NAA15: variants seen among roughly 807,000 people sequenced by gnomAD.
The protein encoded by NAA15 is N-terminal acetyltransferase.
In NAA15, 34 loss-of-function variants were observed where a neutral mutation model predicts 114.0. The ratio of observed to expected loss-of-function variants is 0.30; its 90% confidence interval spans 0.23 to 0.40. The LOEUF (loss-of-function observed/expected upper bound fraction) is 0.40, where lower values mean the gene tolerates loss of function less well. Among genes scored for constraint, NAA15 ranks in the 10% least tolerant of loss-of-function variants. The pLI is 1.00. For missense variants in NAA15, 658 were observed against 1,004.5 expected, an observed-to-expected ratio of 0.66 and a Z score of 4.66; for synonymous variants, 340 against 338.0, an observed-to-expected ratio of 1.01 and a Z score of -0.06.
At chr4:139,339,123 G>A (rs1274820527) in intron 3 of NAA15, among the ~76,000 whole-genome samples, 1 of 152,074 alleles carries the variant, frequency 6.6e-6, no homozygotes, top group Non-Finnish European at 1.5e-5. Flanking sequence ...ATTGAAGTTT[G>A]AGCTTGATCT....
intron 4 of NAA15, among the ~76,000 whole-genome samples, chr4:139,342,418 C>T (rs936933177): frequency 1.3e-5 from 2 of 149,938 alleles, no homozygotes; most frequent in Non-Finnish European, 3.0e-5. Context: ...GAAGTATTTT[C>T]TATTATTGTT....
intron 8 of NAA15, 36 bp from the exon 9 acceptor site, chr4:139,351,469 G>C (rs1747776090): frequency 7.8e-7 from 1 of 1,281,190 alleles, no homozygotes; most frequent in Admixed American, 1.8e-5. Flanking sequence ...GTAAATACTT[G>C]ATAAATATAA....
intron 2 of NAA15, among the ~76,000 whole-genome samples, chr4:139,335,838 C>T (rs1183408613): frequency 2.6e-5 from 4 of 151,796 alleles, no homozygotes; most frequent in African/African-American, 9.7e-5. Flanking sequence ...TGGCTCACTG[C>T]AACCTCTGCC....
At chr4:139,332,871 C>T (rs1040740173) in intron 1 of NAA15, among the ~76,000 whole-genome samples, 4 of 151,998 alleles carry the variant, frequency 2.6e-5, no homozygotes, top group Non-Finnish European at 5.9e-5. Context: ...CATGAGCCAC[C>T]GTGCCTGGCC....
Position 139,388,114 on chromosome 4 carries a change from T to A in NAA15, c.*30T>A. 1 of 1,594,794 alleles carries A rather than the reference T, an allele frequency of 6.3e-7. No individual in the cohort carries two copies. The highest frequency in any genetic ancestry group is 8.6e-7 in the Non-Finnish European group (1 of 1,163,898). On this transcript the variant is annotated 3_prime_UTR_variant, in exon 20 of 20. Transcript: ENST00000296543. ...CACTAAACAAGCAAATGGAATGACT[T>A]TGGACCATATCTAGTATATAATATT...
intron 1 of NAA15, among the ~76,000 whole-genome samples, chr4:139,305,203 T>C (rs564266852): frequency 1.7e-4 from 26 of 152,336 alleles, no homozygotes; most frequent in Middle Eastern, 6.8e-3. Flanking sequence ...GTGGTAGTGT[T>C]AGTGGGGCAA....
intron 1 of NAA15, among the ~76,000 whole-genome samples, chr4:139,304,244 A>G (rs2110814334): frequency 6.6e-6 from 1 of 152,366 alleles, no homozygotes; most frequent in South Asian, 2.1e-4. Flanking sequence ...TAAATAAATC[A>G]AACTTTTAAT....
intron 1 of NAA15, among the ~76,000 whole-genome samples, chr4:139,329,162 A>G (rs1478757935): frequency 1.3e-5 from 2 of 149,406 alleles, no homozygotes; most frequent in South Asian, 4.3e-4. Context: ...GATTACAGGC[A>G]TGAGCCACTG....
intron 6 of NAA15, among the ~76,000 whole-genome samples, chr4:139,345,978 T>C (rs915501451): frequency 8.6e-5 from 13 of 151,768 alleles, no homozygotes; most frequent in African/African-American, 3.1e-4. Flanking sequence ...CATGACTCAG[T>C]TGAGGAGTTT....
intron 1 of NAA15, among the ~76,000 whole-genome samples, chr4:139,315,191 A>G (rs1247599311): frequency 2.6e-5 from 4 of 151,754 alleles, no homozygotes; most frequent in East Asian, 3.9e-4. Context: ...AATTCATTTT[A>G]AAGATTTCTG....
At chr4:139,353,256 A>G (rs962998714) in intron 9 of NAA15, among the ~76,000 whole-genome samples, 1 of 152,220 alleles carries the variant, frequency 6.6e-6, no homozygotes, top group African/African-American at 2.4e-5. Context: ...AAACAGTCTT[A>G]GTAGGCTTGT....
intron 17 of NAA15, among the ~76,000 whole-genome samples, chr4:139,381,909 T>C (rs1178408068): frequency 1.3e-5 from 2 of 152,212 alleles, no homozygotes; most frequent in Non-Finnish European, 2.9e-5. Context: ...TATATTCCCC[T>C]TCTCGCTCAT....
In NAA15 at chr4:139,359,790, G is replaced by A. The variant is rs372103599; in HGVS notation, c.1305G>A (p.Gln435=). 3.5e-5 allele frequency: 56 copies of A among 1,608,362 alleles called. No individual in the cohort carries two copies. Among genetic ancestry groups the A allele is most frequent in the Non-Finnish European group, 4.5e-5 (53 of 1,178,960 alleles). Residue 435 remains glutamine, a synonymous_variant, in exon 12 of 20, where the codon CAG becomes CAA. Transcript: ENST00000296543. ...KEAARWMDEA[Q]ALDTADRFIN... ...CTGCAAGGTGGATGGATGAGGCCCAGGCCTTGGACACAGCAGACAGATTTA... is the reference window on the plus strand; with the variant it reads ...CTGCAAGGTGGATGGATGAGGCCCAAGCCTTGGACACAGCAGACAGATTTA...
intron 4 of NAA15, among the ~76,000 whole-genome samples, chr4:139,341,610 A>AAAAAAAAAAAAAAAAAAG (rs1747395787): frequency 6.7e-6 from 1 of 149,206 alleles, no homozygotes; most frequent in African/African-American, 2.5e-5. Flanking sequence ...AAAAAAAAAA[A>AAAAAAAAAAAAAAAAAAG]AAAAAAAAAG....
At chr4:139,320,003 TAAAA>T (rs929757973) in intron 1 of NAA15, among the ~76,000 whole-genome samples, 1 of 152,190 alleles carries the variant, frequency 6.6e-6, no homozygotes, top group African/African-American at 2.4e-5. Context: ...ATTTTCTCCT[TAAAA>T]AAATTGTTTC....
chr4:139,376,560 G>A (rs1263755129), intron 16 of NAA15, 87 bp downstream of exon 16: 5 of 811,606 alleles, frequency 6.2e-6, no homozygotes, highest in Non-Finnish European at 1.0e-5. Flanking sequence ...CCTTACCACT[G>A]TACGATTATT....
Position 139,357,436 on chromosome 4 carries a change from T to G in NAA15, c.1138T>G (p.Leu380Val). The change falls in exon 11 of 20, where the codon TTG becomes GTG. Residue 380 changes from leucine (L) to valine (V), a missense_variant. Physicochemically the swap from Leu to Val is conservative, Grantham distance 32. Coordinates refer to ENST00000296543, the MANE Select transcript of NAA15 (RefSeq NM_057175.5). ...PTTLLWVQYY[L>V]AQHYDKIGQP... ...CACATTACTTTGGGTCCAGTACTAC[T>G]TGGCACAACATTATGACAAAATTGG... 4.3e-6 allele frequency: 7 copies of G among 1,613,954 alleles called. No individual in the cohort carries two copies. Among genetic ancestry groups the G allele is most frequent in the Non-Finnish European group, 5.9e-6 (7 of 1,179,900 alleles).
At position 139,342,867 on chromosome 4, in the gene NAA15, A is replaced by G; in HGVS notation, c.444A>G (p.Arg148=). 6.2e-7 allele frequency: 1 copy of G among 1,613,942 alleles called. No homozygotes were observed. Among genetic ancestry groups the G allele is most frequent in the African/African-American group, 1.3e-5 (1 of 75,024 alleles). Reference sequence around the variant, plus strand: ...TACTTCAGCTTCGACCTGCGCAGAGAGCATCATGGATTGGTTATGCTATTG... The same window carrying G: ...TACTTCAGCTTCGACCTGCGCAGAGGGCATCATGGATTGGTTATGCTATTG... The part of the protein sequence containing the change: ...YQLLQLRPAQ[R]ASWIGYAIAY... The change falls in exon 5 of 20, where the codon AGA becomes AGG. Residue 148 remains arginine (R), a synonymous_variant. Coordinates refer to ENST00000296543, the MANE Select transcript of NAA15 (RefSeq NM_057175.5).
In NAA15 at chr4:139,387,938, G is replaced by C. The variant is rs1748952720; in HGVS notation, c.2455G>C (p.Glu819Gln). 2 of 1,614,010 alleles carry C rather than the reference G, an allele frequency of 1.2e-6. No homozygotes were observed. Among genetic ancestry groups the C allele is most frequent in the Non-Finnish European group, 1.7e-6 (2 of 1,179,948 alleles). Residue 819 changes from glutamate (E) to glutamine (Q), a missense_variant, in exon 20 of 20, where the codon GAA (glutamate) becomes CAA (glutamine). Coordinates refer to ENST00000296543, the MANE Select transcript of NAA15 (RefSeq NM_057175.5). ...LYDGSLGDCK[E>Q]AAEIYRANCH... ...TGATGGTAGCCTAGGAGACTGTAAA[G>C]AAGCTGCTGAAATTTATAGAGCAAA...
Sources: allele counts gnomAD v4.1 joint callset (sites outside exome capture counted in the v4.1 genomes callset), GRCh38; gene constraint gnomAD v4.1.1; transcripts MANE v1.5; gene names NCBI Gene and HGNC (gene_info 2026-07-23, HGNC 2026-07-21).